Variants in FSTL5 observed in about 807,000 individuals in gnomAD.
The protein encoded by FSTL5 is follistatin-related protein 5.
A neutral mutation model predicts 89.1 loss-of-function variants in FSTL5; 62 were observed. The observed-to-expected ratio is 0.70, with a 90% CI of 0.57 to 0.86. FSTL5 has a LOEUF of 0.86. Ranked by LOEUF, FSTL5 falls within the 40% of genes least tolerant of loss-of-function variation. The pLI is 0.00. For missense variants in FSTL5, 1,057 were observed against 1,001.6 expected, an observed-to-expected ratio of 1.06 and a Z score of -0.75; for synonymous variants, 383 against 346.2, an observed-to-expected ratio of 1.11 and a Z score of -1.18.
chr4:161,768,692 G>A (rs1191013375), intron 5 of FSTL5, among the ~76,000 whole-genome samples: 1 of 151,584 alleles, frequency 6.6e-6, no homozygotes, highest in African/African-American at 2.4e-5. Flanking sequence ...AGCTCAAAGG[G>A]AAGTACAAAA....
chr4:161,617,371 A>C (rs1245151533), intron 7 of FSTL5, among the ~76,000 whole-genome samples: 3 of 152,122 alleles, frequency 2.0e-5, no homozygotes, highest in African/African-American at 7.2e-5. Context: ...AGAAAAGTTA[A>C]TGGGGTGCTG....
chr4:161,963,054 A>G (rs747205512), intron 3 of FSTL5, among the ~76,000 whole-genome samples: 1 of 151,996 alleles, frequency 6.6e-6, no homozygotes, highest in Non-Finnish European at 1.5e-5. Flanking sequence ...TACAACTAAT[A>G]TAGGAAGTAT....
rs1158635473 is a variant in FSTL5, at chr4:161,530,454, T to C, written c.1312+7712A>G. ...GTAGACTTTAGCCATTTGAAATGTG[T>C]TTTTTAAAAAATCTTCAAGTTGTTT... On this transcript the variant is annotated intron_variant, in intron 10 of 15. Coordinates refer to ENST00000306100, the MANE Select transcript of FSTL5 (RefSeq NM_020116.5). 3.8e-5 allele frequency among the ~76,000 whole-genome samples: 4 copies of C among 106,390 alleles called. 1 individual carries two copies. The highest frequency in any genetic ancestry group is 8.3e-5 in the Non-Finnish European group (4 of 48,118). The allele number at this position is 106,390 out of a possible 152,430, so 69.8% of individuals were successfully genotyped here.
At chr4:161,969,565 G>GA (rs1167431190) in intron 3 of FSTL5, among the ~76,000 whole-genome samples, 8 of 151,478 alleles carry the variant, frequency 5.3e-5, no homozygotes, top group African/African-American at 1.2e-4. Context: ...TAGTTCCAAA[G>GA]AAAAAAAATA....
chr4:161,421,816 C>A (rs1732000690), intron 15 of FSTL5, among the ~76,000 whole-genome samples: 1 of 152,096 alleles, frequency 6.6e-6, no homozygotes, highest in Non-Finnish European at 1.5e-5. Flanking sequence ...TTTTCTACTG[C>A]CGTAAATGCT....
intron 8 of FSTL5, among the ~76,000 whole-genome samples, chr4:161,579,763 G>GA (rs202138753): frequency 0.017 from 583 of 34,546 alleles, 1 homozygote; most frequent in Non-Finnish European, 0.025. Context: ...AAGAAAAAAA[G>GA]AAAAAAAAAT....
intron 3 of FSTL5, among the ~76,000 whole-genome samples, chr4:161,962,626 C>T (rs978468229): frequency 6.6e-6 from 1 of 151,534 alleles, no homozygotes; most frequent in African/African-American, 2.4e-5. Context: ...ATAGCATCTT[C>T]TATTACTATC....
chr4:161,762,971 G>C (rs1296147282), intron 5 of FSTL5, among the ~76,000 whole-genome samples: 1 of 152,122 alleles, frequency 6.6e-6, no homozygotes, highest in East Asian at 1.9e-4. Context: ...CAATGTAATA[G>C]AAATGTCAAA....
chr4:161,652,389 T>G (rs1015176047), intron 7 of FSTL5, among the ~76,000 whole-genome samples: 2 of 152,096 alleles, frequency 1.3e-5, no homozygotes, highest in African/African-American at 4.8e-5. Flanking sequence ...GAGCTGTGAT[T>G]CTACCACTAC....
intron 8 of FSTL5, among the ~76,000 whole-genome samples, chr4:161,565,254 T>C (rs1732757002): frequency 8.5e-6 from 1 of 118,206 alleles, no homozygotes; most frequent in Non-Finnish European, 1.9e-5. Context: ...TCATATTTAT[T>C]ATAATTAGCC....
chr4:162,035,014 A>T (rs1737675967), intron 2 of FSTL5, among the ~76,000 whole-genome samples: 1 of 152,142 alleles, frequency 6.6e-6, no homozygotes, highest in African/African-American at 2.4e-5. Flanking sequence ...AATGTACATT[A>T]CTTGTATTAA....
intron 7 of FSTL5, among the ~76,000 whole-genome samples, chr4:161,614,640 C>G (rs1032460840): frequency 2.0e-5 from 3 of 152,078 alleles, no homozygotes; most frequent in Non-Finnish European, 2.9e-5. Flanking sequence ...CACATGAGGT[C>G]TCCAGAACAT....
chr4:161,564,839 T>C (rs1226712635), intron 8 of FSTL5, among the ~76,000 whole-genome samples: 1 of 151,776 alleles, frequency 6.6e-6, no homozygotes, highest in Admixed American at 6.6e-5. Context: ...GTTTTTATTC[T>C]AAAATTCACT....
chr4:161,598,447 T>C (rs1241268892), intron 7 of FSTL5, among the ~76,000 whole-genome samples: 4 of 152,040 alleles, frequency 2.6e-5, no homozygotes, highest in Admixed American at 6.6e-5. Context: ...TTTAGATTTG[T>C]AAGACAGTGT....
intron 1 of FSTL5, among the ~76,000 whole-genome samples, chr4:162,126,992 G>C (rs1732107068): frequency 6.6e-6 from 1 of 152,074 alleles, no homozygotes; most frequent in East Asian, 1.9e-4. Flanking sequence ...TTGCCTGACT[G>C]TCGTGGTTTT....
intron 6 of FSTL5, among the ~76,000 whole-genome samples, chr4:161,724,174 G>C (rs979995267): frequency 6.6e-6 from 1 of 152,038 alleles, no homozygotes; most frequent in East Asian, 1.9e-4. Context: ...TTACAAAAAT[G>C]TTTCTGAATA....
Position 162,086,262 on chromosome 4 carries a change from A to G in FSTL5, c.126+25009T>C, listed in dbSNP as rs568616195. On this transcript the variant is annotated intron_variant, in intron 2 of 15. Coordinates refer to ENST00000306100, the MANE Select transcript of FSTL5 (RefSeq NM_020116.5). ...TTTATTTATGTAATTCCCACCCCAC[A>G]TATTATTGCCATTGCATTTATATTC... 1.6e-4 allele frequency among the ~76,000 whole-genome samples: 25 copies of G among 151,950 alleles called. 1 individual carries two copies. In the South Asian group the frequency reaches 5.0e-3, roughly 30 times the overall value.
rs1238259317 is a variant in FSTL5, at chr4:162,109,611, T to C, written c.126+1660A>G. ...TAAAGCTTTACTAAACCTCAACACA[T>C]AAGTTTTTCTTTAGCATCCAAACAT... On this transcript the variant is annotated intron_variant, in intron 2 of 15. Transcript: ENST00000306100. Among the ~76,000 whole-genome samples, 35 of 152,096 alleles carry C rather than the reference T, an allele frequency of 2.3e-4. 1 individual carries two copies. Among genetic ancestry groups the C allele is most frequent in the Admixed American group, 2.3e-3 (35 of 15,250 alleles).
At chr4:161,386,551 G>T in intron 15 of FSTL5, 102 bp from the exon 16 acceptor site, 1 of 729,992 alleles carries the variant, frequency 1.4e-6, no homozygotes, top group Non-Finnish European at 2.2e-6. Flanking sequence ...GGCTCTAATT[G>T]TCAGGCGAGG....
Sources: gnomAD v4.1 joint callset for allele counts (sites outside exome capture counted in the v4.1 genomes callset) on GRCh38, gnomAD v4.1.1 for gene constraint, MANE v1.5 for transcripts, NCBI Gene and HGNC (gene_info 2026-07-23, HGNC 2026-07-21) for gene names.